ABCC1: variants seen among roughly 807,000 people sequenced by gnomAD.
ABCC1 encodes multidrug resistance-associated protein 1.
Under a neutral mutation model 172.9 loss-of-function variants are expected in ABCC1, and 83 were observed. That is an observed-to-expected ratio of 0.48 (90% CI 0.40 to 0.58). The LOEUF (loss-of-function observed/expected upper bound fraction) is 0.58. Ranked by LOEUF, ABCC1 falls within the 20% of genes least tolerant of loss-of-function variation. The pLI, the probability that ABCC1 is intolerant of heterozygous loss-of-function variation, is 0.00. For missense variants in ABCC1, 1,817 were observed against 2,002.7 expected (o/e 0.91, Z 1.77); for synonymous variants, 937 against 825.2 (o/e 1.14, Z -2.32).
chr16:16,073,730 C>G (rs925086690), intron 14 of ABCC1, among the ~76,000 whole-genome samples: 1 of 152,140 alleles, frequency 6.6e-6, no homozygotes, highest in Non-Finnish European at 1.5e-5. Context: ...GTACTCCAGC[C>G]TGGGTGTCAG....
chr16:16,121,141 A>T (rs921122279), intron 23 of ABCC1, among the ~76,000 whole-genome samples: 3 of 152,208 alleles, frequency 2.0e-5, no homozygotes, highest in Admixed American at 6.5e-5. Context: ...GTAAGACTGT[A>T]ACTCTTACAT....
intron 1 of ABCC1, among the ~76,000 whole-genome samples, chr16:15,965,957 C>T (rs1169824548): frequency 6.6e-6 from 1 of 152,110 alleles, no homozygotes; most frequent in African/African-American, 2.4e-5. Flanking sequence ...TGGCTTATTT[C>T]CTTAGATGAT....
At chr16:15,968,823 A>G (rs1306091763) in intron 1 of ABCC1, among the ~76,000 whole-genome samples, 2 of 152,136 alleles carry the variant, frequency 1.3e-5, no homozygotes. Context: ...CTCAGGCTCA[A>G]GCAATCCTCC....
intron 5 of ABCC1, among the ~76,000 whole-genome samples, chr16:16,019,127 G>A (rs1475689651): frequency 1.3e-5 from 2 of 151,822 alleles, no homozygotes; most frequent in East Asian, 1.9e-4. Context: ...GTTTTTAGAC[G>A]GATTCTTGCT....
At chr16:16,048,000 G>A in intron 9 of ABCC1, 142 bp from the exon 10 acceptor site, 1 of 1,091,466 alleles carries the variant, frequency 9.2e-7, no homozygotes, top group African/African-American at 1.6e-5. Context: ...GTCCTGGGCA[G>A]ACAGATAGGT....
At chr16:16,122,705 C>T (rs1327484931) in intron 24 of ABCC1, among the ~76,000 whole-genome samples, 1 of 132,290 alleles carries the variant, frequency 7.6e-6, no homozygotes, top group African/African-American at 2.9e-5. Context: ...AGACCCCCAT[C>T]TCTCTTAAAA....
chr16:16,067,143 G>A (rs548493882), intron 12 of ABCC1, among the ~76,000 whole-genome samples: 3 of 152,232 alleles, frequency 2.0e-5, no homozygotes, highest in Admixed American at 1.3e-4. Context: ...CTAGCTACTC[G>A]GGAGGCTGAG....
intron 3 of ABCC1, among the ~76,000 whole-genome samples, chr16:16,010,146 C>G (rs1478095040): frequency 6.8e-6 from 1 of 146,706 alleles, no homozygotes; most frequent in Non-Finnish European, 1.5e-5. Context: ...TGGCCTCAAG[C>G]AATCCTCCTA....
chr16:15,971,867 C>T (rs555370812), intron 1 of ABCC1, among the ~76,000 whole-genome samples: 1 of 152,068 alleles, frequency 6.6e-6, no homozygotes, highest in South Asian at 2.1e-4. Flanking sequence ...CACAGACACA[C>T]GTGGAGTGGT....
chr16:16,052,615 C>G, intron 10 of ABCC1, 109 bp from the exon 11 acceptor site: 1 of 1,015,258 alleles, frequency 9.8e-7, no homozygotes, highest in Non-Finnish European at 1.5e-6. Context: ...ACACCTTGCC[C>G]TGAACTTGGT....
intron 12 of ABCC1, among the ~76,000 whole-genome samples, chr16:16,056,878 G>A (rs983209370): frequency 6.6e-6 from 1 of 152,152 alleles, no homozygotes; most frequent in Non-Finnish European, 1.5e-5. Context: ...CATTAAGATA[G>A]CCTTGCAAGA....
chr16:16,090,096 A>G (rs1406590590), intron 18 of ABCC1, among the ~76,000 whole-genome samples: 2 of 152,106 alleles, frequency 1.3e-5, no homozygotes, highest in South Asian at 2.1e-4. Flanking sequence ...AGCAAGCACT[A>G]TTCTACTAGT....
intron 6 of ABCC1, 128 bp downstream of exon 6, chr16:16,033,298 G>T (rs752142606): frequency 3.8e-5 from 34 of 897,674 alleles, no homozygotes; most frequent in Non-Finnish European, 5.8e-5. Flanking sequence ...GAGTTGTCTT[G>T]AATCTGCCTG....
At chr16:16,100,475 T>C (rs1370989137) in intron 19 of ABCC1, among the ~76,000 whole-genome samples, 1 of 149,538 alleles carries the variant, frequency 6.7e-6, no homozygotes, top group Non-Finnish European at 1.5e-5. Flanking sequence ...TGGTTCCCAG[T>C]GTCACACATG....
At chr16:15,998,691 A>G (rs2047142485) in intron 1 of ABCC1, among the ~76,000 whole-genome samples, 1 of 152,126 alleles carries the variant, frequency 6.6e-6, no homozygotes, top group Non-Finnish European at 1.5e-5. Flanking sequence ...TCTGCAGGGG[A>G]AACACCTTCC....
intron 5 of ABCC1, among the ~76,000 whole-genome samples, chr16:16,028,592 C>T (rs567539202): frequency 6.6e-6 from 1 of 152,226 alleles, no homozygotes; most frequent in East Asian, 1.9e-4. Context: ...GGTGTCAGCT[C>T]TTCCGGATGA....
At chr16:15,959,722 T>G (rs1221944156) in intron 1 of ABCC1, among the ~76,000 whole-genome samples, 1 of 152,240 alleles carries the variant, frequency 6.6e-6, no homozygotes, top group Non-Finnish European at 1.5e-5. Flanking sequence ...AGATTCCACT[T>G]AAGTGTCCCC....
chr16:16,104,824 G>T (rs1363862209), intron 20 of ABCC1, among the ~76,000 whole-genome samples: 1 of 152,194 alleles, frequency 6.6e-6, no homozygotes, highest in Non-Finnish European at 1.5e-5. Flanking sequence ...CCGCGGGGAG[G>T]CAGCTAAAGC....
rs749166736 is a variant in ABCC1 at position 16,044,668 on chromosome 16, C to T, written c.1028C>T (p.Pro343Leu). 2.5e-6 allele frequency: 4 copies of T among 1,614,046 alleles called. No homozygotes were observed. Among genetic ancestry groups the T allele is most frequent in the Non-Finnish European group, 2.5e-6 (3 of 1,179,974 alleles). ...CACGACCTGATGATGTTTTCCGGGC[C>T]GCAGATCTTAAAGTAAGACCCCTTC... ...AIHDLMMFSG[P>L]QILKLLIKFV... The change falls in exon 8 of 31, where the codon CCG becomes CTG. Residue 343 changes from proline to leucine, a missense_variant. Physicochemically the swap from Pro to Leu is moderately conservative, Grantham distance 98. Around this residue, in one of 3 missense-constraint regions of ABCC1, gnomAD observed 1,412 missense variants for 1,600.3 expected, o/e 0.88. Coordinates refer to ENST00000399410, the MANE Select transcript of ABCC1 (RefSeq NM_004996.4).
Sources: allele counts gnomAD v4.1 joint callset (sites outside exome capture counted in the v4.1 genomes callset), GRCh38; gene constraint gnomAD v4.1.1; regional missense constraint gnomAD v4.1.1; transcripts MANE v1.5; gene names NCBI Gene and HGNC (gene_info 2026-07-23, HGNC 2026-07-21).